Variants in PPFIBP1 observed in about 807,000 individuals in gnomAD.
PPFIBP1 encodes the protein liprin-beta-1.
A neutral mutation model predicts 137.8 loss-of-function variants in PPFIBP1; 112 were observed. The observed-to-expected ratio is 0.81, with a 90% CI of 0.70 to 0.95. The LOEUF (loss-of-function observed/expected upper bound fraction) is 0.95. PPFIBP1 is among the 40% of genes least tolerant of loss of function. The probability of loss-of-function intolerance (pLI) is 0.00; values close to 1 mark genes in which losing one functional copy is unlikely to be tolerated. For synonymous variants in PPFIBP1, 378 were observed against 417.3 expected (o/e 0.91, Z 1.15); for missense variants, 1,083 against 1,196.6 (o/e 0.91, Z 1.40).
Position 27,691,902 on chromosome 12 carries a change from G to A in PPFIBP1, c.2839G>A (p.Glu947Lys), listed in dbSNP as rs1593431709. ...TGGTTTGGATATGCGCCTGTATGAG[G>A]AAGATGATTTGGACCGGTTAGAGCA... The part of the protein sequence containing the change: ...KPGLDMRLYE[E>K]DDLDRLEQME... The change falls in exon 28 of 30, where the codon GAA (glutamate) becomes AAA (lysine). Residue 947 changes from glutamate (E) to lysine (K), a missense_variant. Transcript: ENST00000228425. The A allele has an allele frequency of 1.2e-6, 2 of 1,612,756 alleles. No individual in the cohort carries two copies. Among genetic ancestry groups the A allele is most frequent in the East Asian group, 4.5e-5 (2 of 44,854 alleles).
chr12:27,539,374 A>G (rs190747961), intron 1 of PPFIBP1, among the ~76,000 whole-genome samples: 13 of 152,340 alleles, frequency 8.5e-5, no homozygotes, highest in African/African-American at 2.6e-4. Context: ...TGTAAAAGCC[A>G]TTATTAGTTT....
chr12:27,673,421 T>C (rs2060319191), intron 15 of PPFIBP1, among the ~76,000 whole-genome samples: 1 of 152,186 alleles, frequency 6.6e-6, no homozygotes, highest in African/African-American at 2.4e-5. Flanking sequence ...AGTACGTGAG[T>C]ATTTTTAAAG....
chr12:27,687,283 G>A (rs1251996238), intron 24 of PPFIBP1, 102 bp from the exon 25 acceptor site: 3 of 1,415,364 alleles, frequency 2.1e-6, no homozygotes, highest in South Asian at 2.9e-5. Flanking sequence ...ATATTGGTTT[G>A]AGGGGCTCTT....
intron 2 of PPFIBP1, among the ~76,000 whole-genome samples, chr12:27,622,272 C>G (rs954082011): frequency 6.6e-6 from 1 of 152,128 alleles, no homozygotes; most frequent in Non-Finnish European, 1.5e-5. Context: ...GTTTGCCCCC[C>G]CAGAGCAGTG....
intron 2 of PPFIBP1, among the ~76,000 whole-genome samples, chr12:27,610,607 C>A (rs2054997431): frequency 6.6e-6 from 1 of 152,170 alleles, no homozygotes; most frequent in South Asian, 2.1e-4. Flanking sequence ...AGACTTAAGT[C>A]TTGCTGAGCA....
At chr12:27,528,493 A>G (rs1382302467) in intron 1 of PPFIBP1, among the ~76,000 whole-genome samples, 2 of 152,186 alleles carry the variant, frequency 1.3e-5, no homozygotes, top group Non-Finnish European at 2.9e-5. Context: ...TTTGTCATAT[A>G]TGTCACTGCC....
At chr12:27,529,208 C>T (rs1340202669) in intron 1 of PPFIBP1, among the ~76,000 whole-genome samples, 1 of 152,222 alleles carries the variant, frequency 6.6e-6, no homozygotes, top group African/African-American at 2.4e-5. Flanking sequence ...TATGGACACC[C>T]TCTGGACTCC....
chr12:27,584,437 T>G (rs2051470527), intron 2 of PPFIBP1: 1 of 152,252 alleles, frequency 6.6e-6, no homozygotes, highest in Non-Finnish European at 1.5e-5. Flanking sequence ...CGCTGGGAAC[T>G]CCGCCATGGT....
intron 1 of PPFIBP1, among the ~76,000 whole-genome samples, chr12:27,559,468 A>G (rs1189814354): frequency 6.6e-6 from 1 of 152,192 alleles, no homozygotes; most frequent in Admixed American, 6.5e-5. Context: ...TGCCCGACCC[A>G]TAATAGTGAT....
intron 8 of PPFIBP1, chr12:27,655,187 G>C: frequency 2.6e-6 from 4 of 1,535,998 alleles, no homozygotes; most frequent in Non-Finnish European, 3.5e-6. Context: ...AGGTGGGTCA[G>C]ATGCAGTATG....
intron 4 of PPFIBP1, among the ~76,000 whole-genome samples, chr12:27,645,485 G>T (rs1004297937): frequency 3.3e-5 from 5 of 152,158 alleles, no homozygotes; most frequent in African/African-American, 1.2e-4. Context: ...GGAAGAAATA[G>T]TAAGCATCAA....
intron 2 of PPFIBP1, among the ~76,000 whole-genome samples, chr12:27,580,524 G>A (rs1361134033): frequency 2.0e-5 from 3 of 151,940 alleles, no homozygotes; most frequent in Non-Finnish European, 4.4e-5. Flanking sequence ...TATGCTTCAG[G>A]GCACATAGAC....
intron 2 of PPFIBP1, among the ~76,000 whole-genome samples, chr12:27,581,424 C>T (rs1303846188): frequency 1.3e-5 from 2 of 152,124 alleles, no homozygotes; most frequent in Non-Finnish European, 2.9e-5. Context: ...TGCATTAGGC[C>T]AAGGAAGGCT....
intron 13 of PPFIBP1, among the ~76,000 whole-genome samples, chr12:27,667,863 C>T (rs1324062729): frequency 6.6e-6 from 1 of 152,134 alleles, no homozygotes. Flanking sequence ...GCTTGGCTTC[C>T]TCACAATCCT....
At chr12:27,605,550 T>A (rs1565858862) in intron 2 of PPFIBP1, among the ~76,000 whole-genome samples, 1 of 152,118 alleles carries the variant, frequency 6.6e-6, no homozygotes, top group Non-Finnish European at 1.5e-5. Context: ...AATTAATTTT[T>A]TGATGTTTTA....
intron 6 of PPFIBP1, among the ~76,000 whole-genome samples, chr12:27,649,193 G>A (rs1033039386): frequency 1.3e-5 from 2 of 152,184 alleles, no homozygotes; most frequent in African/African-American, 4.8e-5. Flanking sequence ...GATGGAGTAT[G>A]CACTTGAGCA....
At chr12:27,600,633 C>T (rs1454903162) in intron 2 of PPFIBP1, among the ~76,000 whole-genome samples, 1 of 151,784 alleles carries the variant, frequency 6.6e-6, no homozygotes, top group South Asian at 2.1e-4. Context: ...CTGCTTCCCT[C>T]CTGAGCATTA....
At chr12:27,560,708 G>C (rs539519400) in intron 1 of PPFIBP1, among the ~76,000 whole-genome samples, 1 of 152,228 alleles carries the variant, frequency 6.6e-6, no homozygotes, top group South Asian at 2.1e-4. Flanking sequence ...GAGGTTGAGA[G>C]GGCTTGGGTA....
intron 8 of PPFIBP1, among the ~76,000 whole-genome samples, 177 bp from the exon 9 acceptor site, chr12:27,656,439 A>T (rs2059205856): frequency 6.6e-6 from 1 of 152,226 alleles, no homozygotes; most frequent in Admixed American, 6.5e-5. Flanking sequence ...GACTTCTACT[A>T]ATAGTCTTGC....
Sources: gnomAD v4.1 joint callset for allele counts (sites outside exome capture counted in the v4.1 genomes callset) on GRCh38, gnomAD v4.1.1 for gene constraint, MANE v1.5 for transcripts, NCBI Gene and HGNC (gene_info 2026-07-23, HGNC 2026-07-21) for gene names.